NAV3: variants seen among roughly 807,000 people sequenced by gnomAD.
NAV3 encodes neuron navigator 3, also known as pore membrane and/or filament interacting like protein 1.
A neutral mutation model predicts 244.7 loss-of-function variants in NAV3; 87 were observed. The ratio of observed to expected loss-of-function variants is 0.36; its 90% CI spans 0.30 to 0.42. The LOEUF is 0.42. Ranked by LOEUF, NAV3 falls within the 20% of genes least tolerant of loss-of-function variation. NAV3 has a pLI of 1.00. For missense variants in NAV3, 2,663 were observed against 2,893.3 expected (o/e 0.92, Z 1.83); for synonymous variants, 1,126 against 1,042.2 (o/e 1.08, Z -1.55).
intron 12 of NAV3, chr12:78,091,462 A>G (rs1170641916): frequency 6.6e-6 from 1 of 152,232 alleles, no homozygotes. Flanking sequence ...TTAATTCAAA[A>G]CAAATGTTAA....
intron 2 of NAV3, among the ~76,000 whole-genome samples, chr12:77,691,556 T>C (rs997516408): frequency 1.3e-5 from 2 of 151,240 alleles, no homozygotes; most frequent in Non-Finnish European, 3.0e-5. Flanking sequence ...GAAAGAATGA[T>C]ATGAACTTCA....
intron 1 of NAV3, among the ~76,000 whole-genome samples, 157 bp downstream of exon 1, chr12:77,831,861 T>C (rs767402033): frequency 4.6e-5 from 7 of 152,226 alleles, no homozygotes; most frequent in African/African-American, 1.7e-4. Flanking sequence ...ATTTAGCTTA[T>C]GTAAACACTG....
intron 12 of NAV3, among the ~76,000 whole-genome samples, chr12:78,074,787 A>G (rs1168107012): frequency 1.3e-5 from 2 of 152,316 alleles, no homozygotes; most frequent in Non-Finnish European, 2.9e-5. Flanking sequence ...TTGGTATTCT[A>G]CTAATTCTGA....
chr12:77,764,983 G>C (rs1428126185), intron 2 of NAV3, among the ~76,000 whole-genome samples: 1 of 152,180 alleles, frequency 6.6e-6, no homozygotes, highest in Non-Finnish European at 1.5e-5. Flanking sequence ...TTGTGTTATA[G>C]AAACCTGCTT....
chr12:77,619,373 A>C (rs1165616864), intron 2 of NAV3, among the ~76,000 whole-genome samples: 1 of 152,192 alleles, frequency 6.6e-6, no homozygotes, highest in African/African-American at 2.4e-5. Context: ...GCAGATCAAG[A>C]AATCAGACTA....
chr12:77,867,637 G>A lies in NAV3; in HGVS notation c.243+35933G>A, dbSNP rs559625550. On this transcript the variant is annotated intron_variant, in intron 1 of 39. Transcript: ENST00000397909. ...GGGTTTCACTGTGTTAGCCAGGATG[G>A]TCTCGATCTCCTGACCTTGTCATCC... 2.6e-5 allele frequency among the ~76,000 whole-genome samples: 4 copies of A among 152,194 alleles called. No individual in the cohort carries two copies. The South Asian group carries it at 6.2e-4, about 24-fold the overall frequency.
chr12:77,782,242 C>T (rs1051011455), intron 2 of NAV3, among the ~76,000 whole-genome samples: 26 of 151,678 alleles, frequency 1.7e-4, no homozygotes, highest in South Asian at 2.1e-4. Flanking sequence ...AAATTCCTCC[C>T]CTCTCCCCGC....
chr12:78,194,963 T>A (rs981101292), intron 34 of NAV3, among the ~76,000 whole-genome samples: 2 of 152,246 alleles, frequency 1.3e-5, no homozygotes, highest in Admixed American at 1.3e-4. Context: ...TGATCTATAC[T>A]TTTTTGAAGT....
At chr12:78,163,062 C>A (rs1957632676) in intron 23 of NAV3, among the ~76,000 whole-genome samples, 1 of 150,136 alleles carries the variant, frequency 6.7e-6, no homozygotes. Context: ...GGTTTGGAAG[C>A]TAAAACACAA....
intron 20 of NAV3, 142 bp downstream of exon 20, chr12:78,140,476 G>T (rs907129470): frequency 1.3e-5 from 9 of 705,738 alleles, no homozygotes; most frequent in African/African-American, 1.1e-4. Context: ...ACTCTAAGCT[G>T]CCCAATACCC....
intron 12 of NAV3, among the ~76,000 whole-genome samples, chr12:78,104,495 A>G (rs1455460469): frequency 6.6e-6 from 1 of 152,176 alleles, no homozygotes. Context: ...TCTAACTGTG[A>G]ATCCAGGAGT....
At chr12:77,645,886 C>T (rs755562669) in intron 2 of NAV3, among the ~76,000 whole-genome samples, 6 of 152,072 alleles carry the variant, frequency 3.9e-5, no homozygotes, top group Non-Finnish European at 8.8e-5. Context: ...CAAAAAGTGA[C>T]CAAGGCTAGG....
chr12:78,026,857 T>A (rs562452643), intron 9 of NAV3, among the ~76,000 whole-genome samples: 8 of 152,112 alleles, frequency 5.3e-5, no homozygotes, highest in East Asian at 1.9e-4. Context: ...AGAACTACGC[T>A]AAAAAAGGAA....
chr12:77,614,066 C>A (rs1414462103), intron 2 of NAV3, among the ~76,000 whole-genome samples: 1 of 123,116 alleles, frequency 8.1e-6, no homozygotes, highest in Non-Finnish European at 1.7e-5. Flanking sequence ...CCTTTCTTTT[C>A]TTTCTCTCTT....
At chr12:77,969,775 C>G (rs1032012718) in intron 5 of NAV3, among the ~76,000 whole-genome samples, 1 of 152,070 alleles carries the variant, frequency 6.6e-6, no homozygotes, top group Non-Finnish European at 1.5e-5. Context: ...ACCAGGGAGG[C>G]AGAGGTTGCG....
At chr12:78,204,814 A>G (rs1282359888) in intron 38 of NAV3, 121 bp from the exon 39 acceptor site, 12 of 784,666 alleles carry the variant, frequency 1.5e-5, no homozygotes, top group Non-Finnish European at 2.4e-5. Flanking sequence ...CAGATACTTA[A>G]TTCTCTTGAA....
At chr12:77,596,217 C>A (rs1329729817) in intron 2 of NAV3, among the ~76,000 whole-genome samples, 1 of 152,082 alleles carries the variant, frequency 6.6e-6, no homozygotes, top group African/African-American at 2.4e-5. Flanking sequence ...ATGAGGATAA[C>A]AATTACACCA....
chr12:77,683,602 C>T (rs967327715), intron 2 of NAV3, among the ~76,000 whole-genome samples: 6 of 152,060 alleles, frequency 3.9e-5, no homozygotes, highest in South Asian at 2.1e-4. Context: ...ATCTGTAGAT[C>T]GCTTTGGGTA....
In NAV3 at chr12:77,831,163, GAGAGAC is replaced by G. The variant is rs1873583817; in HGVS notation, c.-293_-288del. ...CTGAGTCACTGAACAGAGAGAGAGAGAGAGACAGAGAGAGAGAGAGAGAGAGAGAGA... is the reference window on the plus strand; with the variant it reads ...CTGAGTCACTGAACAGAGAGAGAGAGAGAGAGAGAGAGAGAGAGAGAGAGA... On this transcript the variant is annotated 5_prime_UTR_variant, in exon 1 of 40. Transcript: ENST00000397909. The G allele has an allele frequency of 6.9e-6, 1 of 144,116 alleles. No individual in the cohort carries two copies. Among genetic ancestry groups the G allele is most frequent in the Admixed American group, 8.5e-5 (1 of 11,802 alleles). The allele number at this position is 144,116 out of a possible 1,614,324, so 8.9% of individuals were successfully genotyped here.
Sources: allele counts gnomAD v4.1 joint callset (sites outside exome capture counted in the v4.1 genomes callset), GRCh38; gene constraint gnomAD v4.1.1; transcripts MANE v1.5; gene names NCBI Gene and HGNC (gene_info 2026-07-23, HGNC 2026-07-21).